CARS2: variants seen among roughly 807,000 people sequenced by gnomAD.
CARS2 encodes the protein probable cysteine--tRNA ligase, mitochondrial.
A neutral mutation model predicts 68.8 loss-of-function variants in CARS2; 52 were observed. That is an observed-to-expected ratio of 0.76 (90% confidence interval 0.61 to 0.95). CARS2 has a LOEUF of 0.95. Ranked by LOEUF, CARS2 falls within the 40% of genes least tolerant of loss-of-function variation. The pLI is 0.00. For missense variants in CARS2, 780 were observed against 754.2 expected, an observed-to-expected ratio of 1.03 and a Z score of -0.40; for synonymous variants, 314 against 303.6, an observed-to-expected ratio of 1.03 and a Z score of -0.36.
chr13:110,645,940 C>G, intron 12 of CARS2, 27 bp downstream of exon 12: 1 of 1,607,426 alleles, frequency 6.2e-7, no homozygotes, highest in East Asian at 2.3e-5. Context: ...GCAGCAGGAC[C>G]GCAAGGCCAC....
At chr13:110,656,905 T>G (rs2062385702) in intron 9 of CARS2, among the ~76,000 whole-genome samples, 1 of 150,594 alleles carries the variant, frequency 6.6e-6, no homozygotes. Flanking sequence ...AAAAAAAACG[T>G]TCTTAGATAG....
rs1309441470 is a variant in CARS2 at position 110,670,853 on chromosome 13, A to G, written c.786-3380T>C. 2.6e-5 allele frequency among the ~76,000 whole-genome samples: 4 copies of G among 152,214 alleles called. No individual in the cohort carries two copies. The highest frequency in any genetic ancestry group is 2.0e-4 in the Admixed American group (3 of 15,278). ...CGAATGGCTAACCAGAATAAACAGC[A>G]TAGACAAGACCTTAAATGACCTGAT... On this transcript the variant is annotated intron_variant, in intron 7 of 14. Transcript: ENST00000257347. The surrounding 1 kb of genome is among the most constrained non-coding windows in gnomAD (Gnocchi z 4.1).
intron 3 of CARS2, among the ~76,000 whole-genome samples, chr13:110,690,772 C>G (rs1409409634): frequency 6.6e-6 from 1 of 152,226 alleles, no homozygotes; most frequent in East Asian, 1.9e-4. Flanking sequence ...GCCAGCTACA[C>G]CCGACCAGCA....
rs2296654 is a variant in CARS2, at chr13:110,676,418, C to A, written c.785+556G>T. The stretch of plus-strand genomic sequence containing the variant: ...CCGCAGTGGGCCAGGAGAGCAGTGT[C>A]GTGTGACTGAGTGGGGGCGGCAGGC... On this transcript the variant is annotated intron_variant, in intron 7 of 14. Coordinates refer to ENST00000257347, the MANE Select transcript of CARS2 (RefSeq NM_024537.4). This position sits in a 1 kb window ranked among gnomAD's most constrained non-coding sequence, Gnocchi z 4.0. 2.0e-5 allele frequency among the ~76,000 whole-genome samples: 3 copies of A among 152,214 alleles called. No individual in the cohort carries two copies. The highest frequency in any genetic ancestry group is 7.2e-5 in the African/African-American group (3 of 41,524).
At chr13:110,675,572 G>T (rs1211949855) in intron 7 of CARS2, among the ~76,000 whole-genome samples, 1 of 152,122 alleles carries the variant, frequency 6.6e-6, no homozygotes, top group Admixed American at 6.6e-5. Flanking sequence ...GTGGGGGAGT[G>T]GGGAGGGATA....
chr13:110,701,313 C>T (rs1170681355), intron 3 of CARS2, 125 bp downstream of exon 3: 1 of 629,372 alleles, frequency 1.6e-6, no homozygotes, highest in Non-Finnish European at 2.9e-6. Context: ...ATCCACCTGT[C>T]TTGGCCTCCC....
chr13:110,707,985 C>T (rs2063996519), upstream of CARS2, among the ~76,000 whole-genome samples: 4 of 152,188 alleles, frequency 2.6e-5, no homozygotes, highest in Admixed American at 2.6e-4. Flanking sequence ...CTCATGTTAC[C>T]TAACTACTCT....
intron 10 of CARS2, among the ~76,000 whole-genome samples, chr13:110,648,102 A>G (rs1888383516): frequency 1.3e-5 from 2 of 152,248 alleles, no homozygotes; most frequent in East Asian, 1.9e-4. Flanking sequence ...CATGGCTTCA[A>G]GCTGGAAGCA....
At chr13:110,662,161 G>A (rs1303782894) in intron 9 of CARS2, among the ~76,000 whole-genome samples, 2 of 151,436 alleles carry the variant, frequency 1.3e-5, no homozygotes, top group Admixed American at 6.6e-5. Context: ...TGCAGTGGCC[G>A]GGCTCCGACC....
intron 9 of CARS2, 162 bp from the exon 10 acceptor site, chr13:110,651,262 T>C (rs2062205511): frequency 5.4e-6 from 3 of 560,588 alleles, no homozygotes; most frequent in Non-Finnish European, 9.5e-6. Flanking sequence ...ACCACCTGTT[T>C]CCTGGTGATT....
intron 8 of CARS2, chr13:110,663,894 G>C: frequency 9.8e-7 from 1 of 1,018,960 alleles, no homozygotes; most frequent in Non-Finnish European, 1.2e-6. Context: ...AAACGACAAA[G>C]CTCTCATTTG....
At chr13:110,701,772 A>G (rs1440217675) in intron 2 of CARS2, among the ~76,000 whole-genome samples, 1 of 152,240 alleles carries the variant, frequency 6.6e-6, no homozygotes, top group African/African-American at 2.4e-5. Flanking sequence ...GTATTGCATC[A>G]ATTTCAGGAC....
intron 3 of CARS2, among the ~76,000 whole-genome samples, chr13:110,695,331 C>A (rs9521902): frequency 4.0e-5 from 6 of 151,810 alleles, no homozygotes; most frequent in Non-Finnish European, 8.8e-5. Flanking sequence ...AAATATAGTA[C>A]TACTATTTAT....
chr13:110,701,441 A>T lies in CARS2; in HGVS notation c.390T>A (p.Asn130Lys). ...GATGTAACTCTTCTCCACTTACCTC[A>T]TTGGCTCTTTTGATGATTTTATCAT... ...DVDDKIIKRA[N>K]EMNISPASLA... The change falls in exon 3 of 15, where the codon AAT (asparagine) becomes AAA (lysine). Residue 130 changes from asparagine to lysine, a missense_variant. Coordinates refer to ENST00000257347, the MANE Select transcript of CARS2 (RefSeq NM_024537.4). 2 of 1,333,120 alleles carry T rather than the reference A, an allele frequency of 1.5e-6. No homozygotes were observed. The highest frequency in any genetic ancestry group is 2.2e-6 in the Non-Finnish European group (2 of 923,566). 82.6% of individuals were successfully genotyped at this position (1,333,120 alleles called of 1,614,324 possible). A position where few individuals can be genotyped will look rare whatever the true frequency, so the allele number is the denominator to read the frequency against.
In CARS2 at chr13:110,699,260, C is replaced by CAA. The variant is rs2063714946; in HGVS notation, c.393+2177_393+2178insTT. Among the ~76,000 whole-genome samples, 4 of 152,306 alleles carry CAA rather than the reference C, an allele frequency of 2.6e-5. 1 individual carries two copies. In the South Asian group the frequency reaches 8.3e-4, roughly 32 times the overall value. On this transcript the variant is annotated intron_variant, in intron 3 of 14. Coordinates refer to ENST00000257347, the MANE Select transcript of CARS2 (RefSeq NM_024537.4). ...GCACAAAACAGACTAAGACAAACAC[C>CAA]GTCTAATGCTCTTGGAGGGTCAAAC...
intron 7 of CARS2, among the ~76,000 whole-genome samples, chr13:110,671,028 G>C (rs1343127349): frequency 6.6e-6 from 1 of 152,164 alleles, no homozygotes; most frequent in African/African-American, 2.4e-5. Context: ...AGAGTAAAAA[G>C]AAATGAACAA....
chr13:110,685,802 G>A (rs1014481561), intron 5 of CARS2, among the ~76,000 whole-genome samples: 1 of 152,156 alleles, frequency 6.6e-6, no homozygotes, highest in South Asian at 2.1e-4. Context: ...GATTTATGGC[G>A]ATGCTTCATC....
intron 14 of CARS2, among the ~76,000 whole-genome samples, chr13:110,641,816 C>T (rs542677019): frequency 2.0e-5 from 3 of 152,348 alleles, no homozygotes; most frequent in African/African-American, 7.2e-5. Context: ...CTGAGCAGGA[C>T]CCACGTCCCC....
exon 1 of CARS2, chr13:110,713,227 C>T (rs1265296150): frequency 4.2e-6 from 6 of 1,414,184 alleles, no homozygotes; most frequent in East Asian, 5.1e-5. Flanking sequence ...CTGTTTCGGG[C>T]CCTACTTATA....
Sources: allele counts gnomAD v4.1 joint callset (sites outside exome capture counted in the v4.1 genomes callset), GRCh38; gene constraint gnomAD v4.1.1; non-coding constraint Gnocchi (gnomAD v3.1); transcripts MANE v1.5; gene names NCBI Gene and HGNC (gene_info 2026-07-23, HGNC 2026-07-21).